Variants in TXNDC16 observed in about 807,000 individuals in gnomAD.
TXNDC16 encodes thioredoxin domain containing 16.
In TXNDC16, 74 loss-of-function variants were observed where a neutral mutation model predicts 85.6. The observed-to-expected ratio is 0.86, with a 90% CI of 0.72 to 1.05. The LOEUF is 1.05. TXNDC16 is among the 50% of genes least tolerant of loss of function. The pLI is 0.00. For synonymous variants in TXNDC16, 335 were observed against 326.5 expected (o/e 1.03, Z -0.28); for missense variants, 959 against 947.0 (o/e 1.01, Z -0.17).
chr14:52,500,177 C>T (rs980870338), intron 9 of TXNDC16, among the ~76,000 whole-genome samples: 1 of 152,174 alleles, frequency 6.6e-6, no homozygotes, highest in Admixed American at 6.5e-5. Context: ...CAGCATTACT[C>T]ACCATAGCCA....
chr14:52,550,682 T>C (rs2038025392), intron 1 of TXNDC16, among the ~76,000 whole-genome samples: 2 of 152,340 alleles, frequency 1.3e-5, no homozygotes, highest in African/African-American at 4.8e-5. Context: ...AGAAAAACCT[T>C]TTAAAGTCTA....
chr14:52,475,979 C>A (rs1398635715), intron 14 of TXNDC16, among the ~76,000 whole-genome samples: 1 of 152,164 alleles, frequency 6.6e-6, no homozygotes, highest in Non-Finnish European at 1.5e-5. Context: ...GGCTGAGAGA[C>A]CCACAGATGG....
intron 9 of TXNDC16, among the ~76,000 whole-genome samples, chr14:52,496,453 A>T (rs1487202621): frequency 1.4e-5 from 2 of 147,402 alleles, no homozygotes; most frequent in African/African-American, 2.5e-5. Flanking sequence ...CTGTGATTGC[A>T]GCTGAGTAGA....
intron 8 of TXNDC16, among the ~76,000 whole-genome samples, chr14:52,512,740 A>G (rs1189190694): frequency 6.6e-6 from 1 of 152,228 alleles, no homozygotes; most frequent in Non-Finnish European, 1.5e-5. Flanking sequence ...TGGATCAGAG[A>G]AAAGTCAGAG....
At chr14:52,473,947 A>G (rs13313395) in intron 14 of TXNDC16, among the ~76,000 whole-genome samples, 1,563 of 152,356 alleles carry the variant, frequency 0.01, 27 homozygotes, top group African/African-American at 0.036. Context: ...ACATAGACAC[A>G]AAACATTGTA....
At chr14:52,520,681 C>T (rs193008186) in intron 6 of TXNDC16, among the ~76,000 whole-genome samples, 54 of 152,250 alleles carry the variant, frequency 3.5e-4, no homozygotes, top group African/African-American at 1.3e-3. Flanking sequence ...CTACCCCTAA[C>T]AACTCATTCC....
At chr14:52,433,317 T>C (rs572302898) in intron 20 of TXNDC16, among the ~76,000 whole-genome samples, 1 of 152,166 alleles carries the variant, frequency 6.6e-6, no homozygotes, top group African/African-American at 2.4e-5. Context: ...GCTGATAACA[T>C]AGAGATAAAT....
intron 18 of TXNDC16, among the ~76,000 whole-genome samples, chr14:52,448,462 G>GA (rs200927335): frequency 0.01 from 1,560 of 151,542 alleles, 27 homozygotes; most frequent in African/African-American, 0.036. Flanking sequence ...ATATGAAGGA[G>GA]AAATAAAAAC....
At chr14:52,433,462 A>G (rs1004931489) in intron 20 of TXNDC16, among the ~76,000 whole-genome samples, 6 of 152,214 alleles carry the variant, frequency 3.9e-5, no homozygotes, top group South Asian at 2.1e-4. Flanking sequence ...ATAAATTCCA[A>G]TGAAAGAATC....
chr14:52,484,288 T>C (rs2036217093), intron 12 of TXNDC16, among the ~76,000 whole-genome samples: 2 of 152,106 alleles, frequency 1.3e-5, no homozygotes, highest in Non-Finnish European at 2.9e-5. Flanking sequence ...TATTATTCTC[T>C]CTCCGTATGT....
chr14:52,531,004 C>T (rs1471681202), intron 6 of TXNDC16, among the ~76,000 whole-genome samples: 1 of 151,834 alleles, frequency 6.6e-6, no homozygotes, highest in Non-Finnish European at 1.5e-5. Context: ...ACAAACAACC[C>T]AATTAAAAAA....
At chr14:52,468,478 A>AT (rs2035827539) in intron 16 of TXNDC16, among the ~76,000 whole-genome samples, 1 of 152,222 alleles carries the variant, frequency 6.6e-6, no homozygotes, top group Non-Finnish European at 1.5e-5. Context: ...TAAAGAGCAA[A>AT]TAACAGACTG....
intron 6 of TXNDC16, among the ~76,000 whole-genome samples, chr14:52,520,053 C>T (rs2037173940): frequency 1.3e-5 from 2 of 152,126 alleles, no homozygotes; most frequent in Non-Finnish European, 2.9e-5. Context: ...GCCTAGTACA[C>T]TATATTCAAT....
chr14:52,531,027 C>G (rs774980660), intron 6 of TXNDC16, among the ~76,000 whole-genome samples: 2 of 151,956 alleles, frequency 1.3e-5, no homozygotes, highest in Non-Finnish European at 2.9e-5. Context: ...AACCAAAGAC[C>G]TTGACCTCAT....
intron 6 of TXNDC16, among the ~76,000 whole-genome samples, chr14:52,520,672 T>C (rs903714907): frequency 6.6e-6 from 1 of 152,116 alleles, no homozygotes; most frequent in African/African-American, 2.4e-5. Context: ...ATAAATTCTC[T>C]ACCCCTAACA....
In TXNDC16 at chr14:52,470,663, GA is replaced by G; in HGVS notation, c.1329del (p.Thr445LeufsTer3). 1 of 1,606,506 alleles carries G rather than the reference GA, an allele frequency of 6.2e-7. No individual in the cohort carries two copies. The highest frequency in any genetic ancestry group is 8.5e-7 in the Non-Finnish European group (1 of 1,177,066). ...CAATCTGCACAGTTTATTCTAGTAAGAAGCATAGTAGATGTGCCTAAATAAA... is the reference window on the plus strand; with the variant it reads ...CAATCTGCACAGTTTATTCTAGTAAGAGCATAGTAGATGTGCCTAAATAAA... ...AVKLKGTSTMLLTRINCADWS... is the reference protein window; with the variant it reads ...AVKLKGTSTMXLTRINCADWS... On this transcript the variant is annotated frameshift_variant, in exon 15 of 21. Coordinates refer to ENST00000281741, the MANE Select transcript of TXNDC16 (RefSeq NM_020784.3). LOFTEE classifies it high-confidence loss of function.
intron 12 of TXNDC16, among the ~76,000 whole-genome samples, chr14:52,483,916 GA>G (rs1423906034): frequency 2.0e-5 from 3 of 152,086 alleles, no homozygotes; most frequent in Admixed American, 6.6e-5. Context: ...ACATGAACAT[GA>G]AAAGGAAAAT....
Position 52,490,277 on chromosome 14 carries a change from T to G in TXNDC16, c.984+114A>C, listed in dbSNP as rs563193998. 1,436 of 670,924 alleles carry G rather than the reference T, an allele frequency of 2.1e-3. 7 individuals are homozygous for G. Among genetic ancestry groups the G allele is most frequent in the South Asian group, 7.5e-3 (194 of 25,894 alleles). 41.6% of individuals were successfully genotyped at this position (670,924 alleles called of 1,614,324 possible). A position where few individuals can be genotyped will look rare whatever the true frequency, so the allele number is the denominator to read the frequency against. On this transcript the variant is annotated intron_variant, in intron 11 of 20. Coordinates refer to ENST00000281741, the MANE Select transcript of TXNDC16 (RefSeq NM_020784.3). Reference sequence around the variant, plus strand: ...AACGTTAACAGCAATTTTCTTTGAATAGGAGCAATTTATAATTTACAGATT... The same window carrying G: ...AACGTTAACAGCAATTTTCTTTGAAGAGGAGCAATTTATAATTTACAGATT...
intron 16 of TXNDC16, among the ~76,000 whole-genome samples, chr14:52,463,982 T>C (rs1156864058): frequency 6.6e-6 from 1 of 151,952 alleles, no homozygotes; most frequent in African/African-American, 2.4e-5. Context: ...ATCAATCCAG[T>C]CAAATAATGA....
Sources: gnomAD v4.1 joint callset for allele counts (sites outside exome capture counted in the v4.1 genomes callset) on GRCh38, gnomAD v4.1.1 for gene constraint, MANE v1.5 for transcripts, NCBI Gene and HGNC (gene_info 2026-07-23, HGNC 2026-07-21) for gene names.